Variants in COL8A1 observed in about 807,000 individuals in gnomAD.
The protein encoded by COL8A1 is collagen type VIII alpha 1 chain.
In COL8A1, 21 loss-of-function variants were observed where a neutral mutation model predicts 42.7. The ratio of observed to expected loss-of-function variants is 0.49; its 90% confidence interval spans 0.35 to 0.71. The LOEUF (loss-of-function observed/expected upper bound fraction) is 0.71, where lower values mean the gene tolerates loss of function less well. COL8A1 is among the 30% of genes least tolerant of loss of function. The pLI is 0.01. For missense variants in COL8A1, 788 were observed against 962.4 expected (o/e 0.82, Z 2.40); for synonymous variants, 367 against 369.1 (o/e 0.99, Z 0.06).
At chr3:99,673,144 G>A (rs957905883) in intron 1 of COL8A1, among the ~76,000 whole-genome samples, 1 of 151,832 alleles carries the variant, frequency 6.6e-6, no homozygotes, top group Admixed American at 6.6e-5. Context: ...TTTGACCTAC[G>A]ATTTAGACAT....
At chr3:99,696,032 G>A (rs1359810739) in intron 1 of COL8A1, among the ~76,000 whole-genome samples, 3 of 152,214 alleles carry the variant, frequency 2.0e-5, no homozygotes, top group African/African-American at 7.2e-5. Context: ...TACTCAGGAG[G>A]CTGAGGCAGG....
At chr3:99,724,246 A>AT (rs1316151477) in intron 1 of COL8A1, among the ~76,000 whole-genome samples, 1 of 152,122 alleles carries the variant, frequency 6.6e-6, no homozygotes, top group African/African-American at 2.4e-5. Flanking sequence ...TACCAAGGTG[A>AT]TAACTGTCTG....
intron 1 of COL8A1, among the ~76,000 whole-genome samples, chr3:99,701,928 G>A (rs1939551740): frequency 1.3e-5 from 2 of 152,082 alleles, no homozygotes; most frequent in Non-Finnish European, 2.9e-5. Context: ...GATATTATTG[G>A]GACCCATTAC....
intron 3 of COL8A1, among the ~76,000 whole-genome samples, chr3:99,792,110 T>A (rs1034436547): frequency 2.6e-5 from 4 of 152,222 alleles, no homozygotes; most frequent in Admixed American, 6.5e-5. Flanking sequence ...ATTCGCTGGT[T>A]AGAAATAGCA....
chr3:99,669,146 TAGAGGGAGAGAGAGAG>T (rs1938461590), intron 1 of COL8A1, among the ~76,000 whole-genome samples: 2 of 115,364 alleles, frequency 1.7e-5, no homozygotes, highest in Non-Finnish European at 3.6e-5. Flanking sequence ...TATATATATA[TAGAGGGAGAGAGAGAG>T]AGAGAGAGAG....
chr3:99,687,350 T>C (rs987513379), intron 1 of COL8A1, among the ~76,000 whole-genome samples: 3 of 152,264 alleles, frequency 2.0e-5, no homozygotes, highest in African/African-American at 7.2e-5. Context: ...GTGCTAAGGA[T>C]TGTATGATAA....
intron 2 of COL8A1, among the ~76,000 whole-genome samples, chr3:99,751,298 C>G (rs1233098151): frequency 6.6e-6 from 1 of 152,142 alleles, no homozygotes; most frequent in African/African-American, 2.4e-5. Flanking sequence ...TGGCTCACAC[C>G]TGTAATCCCA....
intron 1 of COL8A1, among the ~76,000 whole-genome samples, chr3:99,732,010 G>A (rs535848000): frequency 2.3e-4 from 35 of 152,274 alleles, no homozygotes; most frequent in Non-Finnish European, 4.1e-4. Flanking sequence ...ACCAGAGCTG[G>A]AAGGGGCAGA....
chr3:99,720,749 T>A (rs1469368933), intron 1 of COL8A1, among the ~76,000 whole-genome samples: 1 of 152,014 alleles, frequency 6.6e-6, no homozygotes, highest in Non-Finnish European at 1.5e-5. Flanking sequence ...ATTGAGAAAA[T>A]GGAAGAACTG....
intron 1 of COL8A1, among the ~76,000 whole-genome samples, chr3:99,706,342 A>C (rs1939680113): frequency 6.6e-6 from 1 of 152,162 alleles, no homozygotes; most frequent in African/African-American, 2.4e-5. Context: ...TCTCAATGAA[A>C]ACCAGCTTTG....
chr3:99,668,327 T>C (rs1938428896), intron 1 of COL8A1, among the ~76,000 whole-genome samples: 1 of 152,172 alleles, frequency 6.6e-6, no homozygotes, highest in African/African-American at 2.4e-5. Flanking sequence ...TTTTAAAAAA[T>C]GATTTCAATT....
At chr3:99,683,329 A>G (rs560791434) in intron 1 of COL8A1, among the ~76,000 whole-genome samples, 1 of 152,308 alleles carries the variant, frequency 6.6e-6, no homozygotes, top group East Asian at 1.9e-4. Context: ...TCTGTTAAAG[A>G]ATGATTGAAT....
At chr3:99,640,802 G>A (rs192906397) in intron 1 of COL8A1, among the ~76,000 whole-genome samples, 16 of 152,094 alleles carry the variant, frequency 1.1e-4, no homozygotes, top group South Asian at 8.3e-4. Flanking sequence ...TCATGTAGTC[G>A]CCCCCAAATC....
intron 1 of COL8A1, among the ~76,000 whole-genome samples, chr3:99,742,645 T>A (rs964247307): frequency 6.6e-6 from 1 of 152,364 alleles, no homozygotes; most frequent in Middle Eastern, 3.4e-3. Flanking sequence ...TGTTAAATGA[T>A]CCTTAGTCTC....
intron 2 of COL8A1, among the ~76,000 whole-genome samples, chr3:99,775,132 C>T (rs1256222776): frequency 3.3e-5 from 5 of 152,114 alleles, no homozygotes; most frequent in African/African-American, 1.2e-4. Context: ...ATTTAAACTA[C>T]ATGATTAGAG....
chr3:99,769,756 T>C (rs1941541207), intron 2 of COL8A1, among the ~76,000 whole-genome samples: 1 of 152,120 alleles, frequency 6.6e-6, no homozygotes, highest in South Asian at 2.1e-4. Flanking sequence ...GTGTCTCTAT[T>C]AAAAATACAA....
chr3:99,719,907 C>G (rs1940102169), intron 1 of COL8A1, among the ~76,000 whole-genome samples: 1 of 152,094 alleles, frequency 6.6e-6, no homozygotes, highest in South Asian at 2.1e-4. Context: ...TCACTCTGGT[C>G]ATTTCTTCCA....
At chr3:99,661,137 A>G (rs1313275406) in intron 1 of COL8A1, among the ~76,000 whole-genome samples, 1 of 152,218 alleles carries the variant, frequency 6.6e-6, no homozygotes, top group Non-Finnish European at 1.5e-5. Flanking sequence ...GGTGTTCATC[A>G]AAGGATACAA....
intron 2 of COL8A1, among the ~76,000 whole-genome samples, chr3:99,771,593 A>C (rs1941582142): frequency 6.6e-6 from 1 of 152,186 alleles, no homozygotes. Flanking sequence ...CTTTCTGCAA[A>C]ACAGTCATGG....
Sources: allele counts gnomAD v4.1 joint callset (sites outside exome capture counted in the v4.1 genomes callset), GRCh38; gene constraint gnomAD v4.1.1; transcripts MANE v1.5; gene names NCBI Gene and HGNC (gene_info 2026-07-23, HGNC 2026-07-21).